The following TTC7B variants were observed in gnomAD, a reference collection of about 807,000 sequenced individuals.
TTC7B encodes the protein tetratricopeptide repeat domain 7B.
Under a neutral mutation model 106.8 loss-of-function variants are expected in TTC7B, and 28 were observed. The observed-to-expected ratio is 0.26, with a 90% CI of 0.19 to 0.36. The LOEUF (loss-of-function observed/expected upper bound fraction) is 0.36, where lower values mean the gene tolerates loss of function less well. TTC7B is among the 10% of genes least tolerant of loss of function. The pLI is 1.00. For synonymous variants in TTC7B, 405 were observed against 430.6 expected (o/e 0.94, Z 0.74); for missense variants, 862 against 1,076.4 (o/e 0.80, Z 2.79).
intron 12 of TTC7B, among the ~76,000 whole-genome samples, chr14:90,653,901 A>G (rs1267718699): frequency 1.3e-5 from 2 of 152,240 alleles, no homozygotes; most frequent in African/African-American, 4.8e-5. Context: ...ATGGGTTAAT[A>G]TGTGGCATTA....
intron 6 of TTC7B, among the ~76,000 whole-genome samples, chr14:90,695,018 AATAT>A (rs374663684): frequency 2.0e-5 from 1 of 50,502 alleles, no homozygotes; most frequent in Admixed American, 2.3e-4. Context: ...ATTTATTATA[AATAT>A]ATGTATATTT....
intron 17 of TTC7B, among the ~76,000 whole-genome samples, chr14:90,607,619 T>C (rs1164512067): frequency 6.6e-6 from 1 of 152,230 alleles, no homozygotes; most frequent in Non-Finnish European, 1.5e-5. Context: ...CAGGCTCTTT[T>C]AGCACATGAA....
chr14:90,798,485 ACACTCGCCT>A (rs1357018519), intron 1 of TTC7B, among the ~76,000 whole-genome samples: 9 of 152,064 alleles, frequency 5.9e-5, no homozygotes, highest in Admixed American at 3.3e-4. Flanking sequence ...TGTAATCCCA[ACACTCGCCT>A]GAGGTCAAGA....
At chr14:90,643,704 T>A (rs1885295058) in intron 15 of TTC7B, among the ~76,000 whole-genome samples, 1 of 151,940 alleles carries the variant, frequency 6.6e-6, no homozygotes, top group African/African-American at 2.4e-5. Flanking sequence ...TCCCTCAGCC[T>A]CCCGAGGAGC....
intron 4 of TTC7B, among the ~76,000 whole-genome samples, chr14:90,730,953 C>T (rs1334421802): frequency 2.0e-5 from 3 of 152,172 alleles, no homozygotes; most frequent in South Asian, 2.1e-4. Context: ...GTAGCTGCTA[C>T]TCTTTTTTCT....
intron 19 of TTC7B, among the ~76,000 whole-genome samples, chr14:90,557,843 G>A (rs1890388924): frequency 6.6e-6 from 1 of 152,254 alleles, no homozygotes; most frequent in Non-Finnish European, 1.5e-5. Context: ...CGATGGGCTA[G>A]TGGGGAGTTC....
At chr14:90,703,693 C>T (rs960851227) in intron 5 of TTC7B, among the ~76,000 whole-genome samples, 8 of 152,228 alleles carry the variant, frequency 5.3e-5, no homozygotes, top group African/African-American at 9.6e-5. Context: ...CGACAGGCGT[C>T]GCAAGCCTAC....
In TTC7B at chr14:90,529,750, A is replaced by G. The variant is rs1457944620; in HGVS notation, c.*11618T>C. 6.6e-6 allele frequency: 1 copy of G among 152,238 alleles called. No individual in the cohort carries two copies. Among genetic ancestry groups the G allele is most frequent in the East Asian group, 1.9e-4 (1 of 5,202 alleles). The allele number at this position is 152,238 out of a possible 1,614,324, so 9.4% of individuals were successfully genotyped here. Reference sequence around the variant, plus strand: ...ATGATTGGTGCATAATAAATGCTCAATAATTGTGAGCTGGCATTACCCATT... The same window carrying G: ...ATGATTGGTGCATAATAAATGCTCAGTAATTGTGAGCTGGCATTACCCATT... On this transcript the variant is annotated 3_prime_UTR_variant, in exon 20 of 20. Transcript: ENST00000328459.
At chr14:90,816,068 C>G in intron 1 of TTC7B, 107 bp downstream of exon 1, 1 of 977,690 alleles carries the variant, frequency 1.0e-6, no homozygotes. Context: ...CCCTCGCGGC[C>G]CGGCCGCGCC....
chr14:90,587,446 C>G (rs1217624103), intron 18 of TTC7B, among the ~76,000 whole-genome samples: 2 of 152,226 alleles, frequency 1.3e-5, no homozygotes, highest in Non-Finnish European at 2.9e-5. Context: ...TCCTCTAACA[C>G]TCAGAGCTCA....
chr14:90,613,043 G>GC (rs1249951633), intron 16 of TTC7B, among the ~76,000 whole-genome samples: 1 of 152,170 alleles, frequency 6.6e-6, no homozygotes, highest in African/African-American at 2.4e-5. Flanking sequence ...CAGTGTGTAC[G>GC]CAACAATCAA....
rs187326993 is a variant in TTC7B at position 90,592,321 on chromosome 14, G to A, written c.2107+1165C>T. ...CAGATGAAGTGATGAAACCTGAGGA[G>A]GGGAATTACCTTTTATGTTGAAATA... On this transcript the variant is annotated intron_variant, in intron 18 of 19. Coordinates refer to ENST00000328459, the MANE Select transcript of TTC7B (RefSeq NM_001010854.2). Among the ~76,000 whole-genome samples the A allele has an allele frequency of 1.1e-4, 16 of 152,310 alleles. No homozygotes were observed. The East Asian group carries it at 3.1e-3, about 29-fold the overall frequency.
intron 5 of TTC7B, among the ~76,000 whole-genome samples, chr14:90,727,268 A>T (rs1207532241): frequency 6.6e-6 from 1 of 152,168 alleles, no homozygotes; most frequent in Non-Finnish European, 1.5e-5. Flanking sequence ...GGTGATGGAC[A>T]GTCAATCCCT....
intron 6 of TTC7B, among the ~76,000 whole-genome samples, chr14:90,695,030 T>TA (rs1366243218): frequency 7.9e-5 from 4 of 50,518 alleles, no homozygotes; most frequent in Admixed American, 2.5e-4. Context: ...TATATGTATA[T>TA]TTTTTATTTT....
rs187630354 is a variant in TTC7B, at chr14:90,567,832, G to A, written c.2310+10274C>T. On this transcript the variant is annotated intron_variant, in intron 19 of 19. Transcript: ENST00000328459. ...CAGTGCCTCTAACTCTCTGGTGAGTGTCAGGTCCAAAGGTTTCCATCTGCA... is the reference window on the plus strand; with the variant it reads ...CAGTGCCTCTAACTCTCTGGTGAGTATCAGGTCCAAAGGTTTCCATCTGCA... 3 of 152,384 alleles carry A rather than the reference G, an allele frequency of 2.0e-5. No homozygotes were observed. In the East Asian group the frequency reaches 5.8e-4, roughly 29 times the overall value. 9.4% of individuals were successfully genotyped at this position (152,384 alleles called of 1,614,324 possible).
intron 1 of TTC7B, among the ~76,000 whole-genome samples, chr14:90,804,745 G>A (rs527633891): frequency 2.0e-5 from 3 of 152,224 alleles, no homozygotes; most frequent in South Asian, 2.1e-4. Flanking sequence ...CTGGACACTC[G>A]CTGGGGCTAG....
At chr14:90,569,199 G>A (rs1302803600) in intron 19 of TTC7B, among the ~76,000 whole-genome samples, 1 of 152,180 alleles carries the variant, frequency 6.6e-6, no homozygotes, top group African/African-American at 2.4e-5. Flanking sequence ...GCCATGAAAA[G>A]GCCTCGGTGC....
chr14:90,718,989 A>T (rs1888772475), intron 5 of TTC7B, among the ~76,000 whole-genome samples: 1 of 151,594 alleles, frequency 6.6e-6, no homozygotes, highest in South Asian at 2.1e-4. Flanking sequence ...GGCCGGGCAC[A>T]GTGGCTTGCG....
At chr14:90,814,056 G>T (rs972951361) in intron 1 of TTC7B, among the ~76,000 whole-genome samples, 7 of 152,240 alleles carry the variant, frequency 4.6e-5, no homozygotes, top group African/African-American at 1.7e-4. Flanking sequence ...GCCATCAATG[G>T]CTACCACTCA....
Sources: gnomAD v4.1 joint callset for allele counts (sites outside exome capture counted in the v4.1 genomes callset) on GRCh38, gnomAD v4.1.1 for gene constraint, MANE v1.5 for transcripts, NCBI Gene and HGNC (gene_info 2026-07-23, HGNC 2026-07-21) for gene names.